The following DIAPH3 variants were observed in gnomAD, a reference collection of about 807,000 sequenced individuals.
The protein encoded by DIAPH3 is diaphanous related formin 3, also known as protein diaphanous homolog 3.
DIAPH3 carries 117 observed loss-of-function variants against 144.3 expected under a neutral mutation model. The ratio of observed to expected loss-of-function variants is 0.81; its 90% CI spans 0.70 to 0.95. DIAPH3 has a LOEUF of 0.95. Ranked by LOEUF, DIAPH3 falls within the 40% of genes least tolerant of loss-of-function variation. The pLI is 0.00. For synonymous variants in DIAPH3, 519 were observed against 488.9 expected (o/e 1.06, Z -0.81); for missense variants, 1,421 against 1,412.7 (o/e 1.01, Z -0.09).
intron 27 of DIAPH3, among the ~76,000 whole-genome samples, chr13:59,742,034 G>T (rs1431425644): frequency 6.6e-6 from 1 of 152,138 alleles, no homozygotes; most frequent in Non-Finnish European, 1.5e-5. Context: ...ATGGCAGAAG[G>T]AGAAGGAAGA....
chr13:60,129,439 T>C (rs1474516199), intron 2 of DIAPH3, among the ~76,000 whole-genome samples: 1 of 152,186 alleles, frequency 6.6e-6, no homozygotes, highest in East Asian at 1.9e-4. Context: ...AATATAGCAA[T>C]CCTTTATTCC....
chr13:60,144,231 T>C (rs943933028), intron 1 of DIAPH3, among the ~76,000 whole-genome samples: 8 of 152,146 alleles, frequency 5.3e-5, no homozygotes, highest in Admixed American at 3.9e-4. Flanking sequence ...GCCTATGTAA[T>C]ATCCCAGCCC....
intron 1 of DIAPH3, among the ~76,000 whole-genome samples, chr13:60,136,818 C>T (rs894701211): frequency 2.4e-4 from 36 of 152,008 alleles, no homozygotes; most frequent in Admixed American, 3.9e-4. Context: ...CGGGTGCCTG[C>T]AGTCCCAGCT....
At chr13:59,965,086 G>A (rs1320279695) in intron 17 of DIAPH3, among the ~76,000 whole-genome samples, 4 of 152,100 alleles carry the variant, frequency 2.6e-5, no homozygotes, top group African/African-American at 7.2e-5. Context: ...GCAACATCTT[G>A]AACACCGCCA....
intron 24 of DIAPH3, among the ~76,000 whole-genome samples, chr13:59,825,601 G>T (rs2041360534): frequency 2.6e-5 from 4 of 152,156 alleles, no homozygotes; most frequent in Admixed American, 2.6e-4. Flanking sequence ...GATCCCTGAG[G>T]AATCGCCACA....
chr13:59,718,799 C>T (rs2035193518), intron 27 of DIAPH3, among the ~76,000 whole-genome samples: 1 of 151,882 alleles, frequency 6.6e-6, no homozygotes, highest in Non-Finnish European at 1.5e-5. Context: ...ATATTTTGAA[C>T]TGGTTTTCAA....
chr13:59,911,556 A>G lies in DIAPH3; in HGVS notation c.2367+179T>C, dbSNP rs187654627. 5.3e-5 allele frequency among the ~76,000 whole-genome samples: 8 copies of G among 152,350 alleles called. No homozygotes were observed. In the East Asian group the frequency reaches 1.3e-3, roughly 26 times the overall value. On this transcript the variant is annotated intron_variant, in intron 20 of 27. Transcript: ENST00000400324. ...GGACTTCACTTAATGCCAGAGTTTC[A>G]ATATATATTTTAAATCAAGGTAATT... is the stretch of plus-strand genomic sequence containing the variant.
intron 27 of DIAPH3, among the ~76,000 whole-genome samples, chr13:59,685,367 T>C (rs987101177): frequency 6.6e-6 from 1 of 152,066 alleles, no homozygotes; most frequent in South Asian, 2.1e-4. Flanking sequence ...ACAATTGACA[T>C]CTCTTGTTTA....
chr13:60,032,525 T>A (rs1437768187), intron 5 of DIAPH3, among the ~76,000 whole-genome samples: 5 of 152,154 alleles, frequency 3.3e-5, no homozygotes, highest in African/African-American at 1.2e-4. Flanking sequence ...CAGCTTGCAC[T>A]CTCTGGAGCT....
chr13:59,888,424 C>T (rs1434563077), intron 20 of DIAPH3, among the ~76,000 whole-genome samples: 2 of 152,078 alleles, frequency 1.3e-5, no homozygotes, highest in Non-Finnish European at 2.9e-5. Context: ...TATTTTGTTA[C>T]AGCAGCCAAA....
chr13:59,861,169 A>G, intron 22 of DIAPH3: 3 of 1,357,932 alleles, frequency 2.2e-6, no homozygotes, highest in Non-Finnish European at 2.9e-6. Flanking sequence ...ACAAGGTTTA[A>G]ACTGTAAAAC....
intron 3 of DIAPH3, among the ~76,000 whole-genome samples, chr13:60,096,544 C>T (rs2058109203): frequency 6.6e-6 from 1 of 152,200 alleles, no homozygotes; most frequent in Non-Finnish European, 1.5e-5. Flanking sequence ...AAAGCATTAT[C>T]TCTAGGTACG....
At chr13:59,953,092 G>A (rs2049185438) in intron 17 of DIAPH3, among the ~76,000 whole-genome samples, 1 of 152,094 alleles carries the variant, frequency 6.6e-6, no homozygotes, top group Admixed American at 6.6e-5. Flanking sequence ...AGGAAAACAT[G>A]GCAGGATTAA....
intron 5 of DIAPH3, among the ~76,000 whole-genome samples, chr13:60,039,430 A>C (rs1299126140): frequency 6.6e-6 from 1 of 151,964 alleles, no homozygotes; most frequent in Non-Finnish European, 1.5e-5. Flanking sequence ...CAGCTTCCCA[A>C]GTGGCAGGGA....
chr13:60,026,723 A>C (rs921544693), intron 5 of DIAPH3, among the ~76,000 whole-genome samples: 1 of 152,140 alleles, frequency 6.6e-6, no homozygotes, highest in Non-Finnish European at 1.5e-5. Context: ...CTGTAGACAA[A>C]GTGTCTCTCT....
At chr13:60,123,857 A>G (rs907504780) in intron 2 of DIAPH3, among the ~76,000 whole-genome samples, 8 of 152,210 alleles carry the variant, frequency 5.3e-5, no homozygotes, top group African/African-American at 1.7e-4. Flanking sequence ...ATCCTACTAG[A>G]ATAATAAGAT....
intron 17 of DIAPH3, among the ~76,000 whole-genome samples, chr13:59,954,470 C>T (rs1239916797): frequency 6.6e-6 from 1 of 152,076 alleles, no homozygotes; most frequent in African/African-American, 2.4e-5. Flanking sequence ...TCATCAAGAA[C>T]ACATTCACAA....
intron 4 of DIAPH3, among the ~76,000 whole-genome samples, chr13:60,063,082 C>G (rs993215193): frequency 6.6e-6 from 1 of 152,204 alleles, no homozygotes; most frequent in Non-Finnish European, 1.5e-5. Context: ...TTTCAAACTT[C>G]TTTCAAAATT....
chr13:59,677,445 AATAAT>A (rs1233556241), intron 27 of DIAPH3, among the ~76,000 whole-genome samples: 9 of 152,286 alleles, frequency 5.9e-5, no homozygotes, highest in African/African-American at 7.2e-5. Flanking sequence ...AATTAGTTTT[AATAAT>A]ATATTTTATT....
Sources: allele counts gnomAD v4.1 joint callset (sites outside exome capture counted in the v4.1 genomes callset), GRCh38; gene constraint gnomAD v4.1.1; transcripts MANE v1.5; gene names NCBI Gene and HGNC (gene_info 2026-07-23, HGNC 2026-07-21).